NOVA2: variants seen among roughly 807,000 people sequenced by gnomAD.
The protein encoded by NOVA2 is NOVA alternative splicing regulator 2, also known as RNA-binding protein Nova-2.
A neutral mutation model predicts 22.5 loss-of-function variants in NOVA2; 9 were observed. The observed-to-expected ratio is 0.40, with a 90% confidence interval of 0.24 to 0.70. The LOEUF (loss-of-function observed/expected upper bound fraction) is 0.70. Among genes scored for constraint, NOVA2 ranks in the 30% least tolerant of loss-of-function variants. NOVA2 has a pLI of 0.38. For missense variants in NOVA2, 383 were observed against 682.8 expected, an observed-to-expected ratio of 0.56 and a Z score of 4.89; for synonymous variants, 318 against 335.2, an observed-to-expected ratio of 0.95 and a Z score of 0.56.
At chr19:45,956,297 T>C (rs1968005261) in intron 2 of NOVA2, among the ~76,000 whole-genome samples, 1 of 151,872 alleles carries the variant, frequency 6.6e-6, no homozygotes, top group Non-Finnish European at 1.5e-5. Flanking sequence ...TGGCCGAGGG[T>C]TTGCCTCTCT....
intron 3 of NOVA2, among the ~76,000 whole-genome samples, chr19:45,946,057 C>T (rs1967833503): frequency 6.7e-6 from 1 of 149,720 alleles, no homozygotes; most frequent in African/African-American, 2.5e-5. Context: ...GTAATCCCAG[C>T]ACTTTGGGAC....
intron 2 of NOVA2, among the ~76,000 whole-genome samples, chr19:45,955,629 G>A (rs1967993410): frequency 1.3e-5 from 2 of 152,112 alleles, no homozygotes; most frequent in East Asian, 3.9e-4. Flanking sequence ...GGAGGCCGAG[G>A]TGGGCAGATC....
At chr19:45,947,071 C>T (rs193109886) in intron 3 of NOVA2, among the ~76,000 whole-genome samples, 28 of 152,108 alleles carry the variant, frequency 1.8e-4, no homozygotes, top group African/African-American at 5.5e-4. Flanking sequence ...TCCTCTTCTC[C>T]GCTTTATTTT....
chr19:45,954,859 T>TGTGTGTGC (rs1967980826), intron 2 of NOVA2, among the ~76,000 whole-genome samples: 1 of 85,030 alleles, frequency 1.2e-5, no homozygotes, highest in African/African-American at 6.7e-5. Context: ...GTGAGTGGTG[T>TGTGTGTGC]GTGTGTGTGT....
chr19:45,947,661 A>G (rs2146412205), intron 3 of NOVA2, among the ~76,000 whole-genome samples: 1 of 151,928 alleles, frequency 6.6e-6, no homozygotes, highest in African/African-American at 2.4e-5. Flanking sequence ...TTTAGTAGCG[A>G]TGGGGTTTTA....
In NOVA2 at chr19:45,939,801, G is replaced by A; in HGVS notation, c.*62C>T. On this transcript the variant is annotated 3_prime_UTR_variant, in exon 4 of 4. Transcript: ENST00000263257. ...AGCTGAGGTCAGGAGTTGGGGGGGA[G>A]GAGGAGAGGGAAGAGGAGGAGATGG... 6 of 1,592,480 alleles carry A rather than the reference G, an allele frequency of 3.8e-6. No homozygotes were observed. The highest frequency in any genetic ancestry group is 5.1e-6 in the Non-Finnish European group (6 of 1,167,032).
intron 1 of NOVA2, among the ~76,000 whole-genome samples, chr19:45,972,693 A>G (rs1205121882): frequency 6.6e-6 from 1 of 151,602 alleles, no homozygotes; most frequent in Non-Finnish European, 1.5e-5. Context: ...ACACACATAC[A>G]CACCTGTCCT....
In NOVA2 at chr19:45,953,825, G is replaced by A. The variant is rs755274154; in HGVS notation, c.351C>T (p.Asn117=). The change falls in exon 3 of 4, where the codon AAC becomes AAT. Residue 117 remains asparagine (N), a synonymous_variant. Transcript: ENST00000263257. ...PQAMTKPEVV[N]ILQPQTTMNP... Reference sequence around the variant, plus strand: ...TCATCGTGGTTTGGGGTTGAAGGATGTTGACCACCTCAGGCTTGGTCATCG... The same window carrying A: ...TCATCGTGGTTTGGGGTTGAAGGATATTGACCACCTCAGGCTTGGTCATCG... 1.4e-4 allele frequency: 227 copies of A among 1,614,094 alleles called. No individual in the cohort carries two copies. Among genetic ancestry groups the A allele is most frequent in the Non-Finnish European group, 1.8e-4 (218 of 1,180,046 alleles).
intron 2 of NOVA2, among the ~76,000 whole-genome samples, chr19:45,957,803 G>A (rs980684989): frequency 2.6e-5 from 4 of 151,794 alleles, no homozygotes; most frequent in East Asian, 1.9e-4. Flanking sequence ...AACATCAGAC[G>A]GTGTTTTAGA....
chr19:45,963,465 C>T (rs553881166), intron 1 of NOVA2, among the ~76,000 whole-genome samples: 2 of 152,232 alleles, frequency 1.3e-5, no homozygotes, highest in East Asian at 1.9e-4. Context: ...ACGTGCCCTG[C>T]TCCTTCCCAC....
At chr19:45,946,873 A>T (rs1442641196) in intron 3 of NOVA2, among the ~76,000 whole-genome samples, 1 of 27,454 alleles carries the variant, frequency 3.6e-5, no homozygotes, top group Non-Finnish European at 9.3e-5. Context: ...GACTCCGTCT[A>T]AAAAAAAAAA....
chr19:45,971,958 C>T (rs562920203), intron 1 of NOVA2, among the ~76,000 whole-genome samples: 1 of 151,984 alleles, frequency 6.6e-6, no homozygotes, highest in Non-Finnish European at 1.5e-5. Context: ...CCCCTCTCTT[C>T]CCTCACACTG....
At chr19:45,953,755 C>A in intron 3 of NOVA2, 25 bp downstream of exon 3, 1 of 1,613,754 alleles carries the variant, frequency 6.2e-7, no homozygotes, top group Non-Finnish European at 8.5e-7. Flanking sequence ...AGCTTTACAG[C>A]AACCCAGTCT....
chr19:45,966,720 A>G (rs1968172691), intron 1 of NOVA2, among the ~76,000 whole-genome samples: 1 of 152,138 alleles, frequency 6.6e-6, no homozygotes, highest in Non-Finnish European at 1.5e-5. Flanking sequence ...TCTACTAAAT[A>G]CAAAAAATTA....
In NOVA2 at chr19:45,940,409, G is replaced by T. The variant is rs1330398026; in HGVS notation, c.933C>A (p.Ala311=). The change falls in exon 4 of 4, where the codon GCC becomes GCA. Residue 311 remains alanine, a synonymous_variant. Coordinates refer to ENST00000263257, the MANE Select transcript of NOVA2 (RefSeq NM_002516.4). ...CTGCTGGGTTGGCCCCGGCGGCCAC[G>T]GCGGCCAGGACGCCGGAAGCTGCGG... ...NSAAASGVLA[A]VAAGANPAAA... 2.0e-6 allele frequency: 3 copies of T among 1,466,956 alleles called. No homozygotes were observed. Among genetic ancestry groups the T allele is most frequent in the African/African-American group, 1.5e-5 (1 of 67,228 alleles). The allele number at this position is 1,466,956 out of a possible 1,614,324, so 90.9% of individuals were successfully genotyped here. A position where few individuals can be genotyped will look rare whatever the true frequency, so the allele number is the denominator to read the frequency against.
At chr19:45,963,609 G>A (rs1188081897) in intron 1 of NOVA2, among the ~76,000 whole-genome samples, 1 of 150,454 alleles carries the variant, frequency 6.6e-6, no homozygotes, top group Non-Finnish European at 1.5e-5. Context: ...TCGGCTCACT[G>A]CACGCTCCGC....
At chr19:45,943,911 C>T (rs1287781999) in intron 3 of NOVA2, among the ~76,000 whole-genome samples, 2 of 152,166 alleles carry the variant, frequency 1.3e-5, no homozygotes, top group Non-Finnish European at 2.9e-5. Flanking sequence ...AGGAACGCAA[C>T]TACCAGTAAA....
At chr19:45,971,266 C>T (rs908732341) in intron 1 of NOVA2, among the ~76,000 whole-genome samples, 1 of 152,122 alleles carries the variant, frequency 6.6e-6, no homozygotes, top group African/African-American at 2.4e-5. Flanking sequence ...AGATTCTAAG[C>T]ATCTCAGTCC....
chr19:45,939,817 G>A lies in NOVA2; in HGVS notation c.*46C>T, dbSNP rs746954601. The A allele has an allele frequency of 4.4e-6, 7 of 1,608,370 alleles. No individual in the cohort carries two copies. In the East Asian group the frequency reaches 9.0e-5, roughly 21 times the overall value. Reference sequence around the variant, plus strand: ...TGGGGGGGAGGAGGAGAGGGAAGAGGAGGAGATGGGAGGAGAGAAAAGGGT... The same window carrying A: ...TGGGGGGGAGGAGGAGAGGGAAGAGAAGGAGATGGGAGGAGAGAAAAGGGT... On this transcript the variant is annotated 3_prime_UTR_variant, in exon 4 of 4. Coordinates refer to ENST00000263257, the MANE Select transcript of NOVA2 (RefSeq NM_002516.4).
Sources: allele counts gnomAD v4.1 joint callset (sites outside exome capture counted in the v4.1 genomes callset), GRCh38; gene constraint gnomAD v4.1.1; transcripts MANE v1.5; gene names NCBI Gene and HGNC (gene_info 2026-07-23, HGNC 2026-07-21).